MAGEC3: variants seen among roughly 807,000 people sequenced by gnomAD.
The protein encoded by MAGEC3 is MAGE family member C3.
MAGEC3 carries 34 observed loss-of-function variants against 35.3 expected under a neutral mutation model. That is an observed-to-expected ratio of 0.96 (90% CI 0.73 to 1.28). MAGEC3 has a LOEUF of 1.28. MAGEC3 is among the 50% of genes most tolerant of loss of function. MAGEC3 has a pLI of 0.00. For missense variants in MAGEC3, 561 were observed against 483.6 expected (o/e 1.16, Z -1.50); for synonymous variants, 202 against 185.6 (o/e 1.09, Z -0.72).
chrX:141,857,021 C>G (rs2017785075), intron 1 of MAGEC3, among the ~76,000 whole-genome samples: 1 of 111,496 alleles, frequency 9.0e-6, no homozygotes, highest in African/African-American at 3.3e-5. Context: ...GAGCCATGGA[C>G]TCACTTGCCA....
chrX:141,880,999 C>T, intron 3 of MAGEC3: 1 of 503,368 alleles, frequency 2.0e-6, no homozygotes. Flanking sequence ...TTGAAATGTT[C>T]CTAGCGGCAA....
chrX:141,877,877 A>G (rs988196828), intron 2 of MAGEC3, among the ~76,000 whole-genome samples: 9 of 112,272 alleles, frequency 8.0e-5, no homozygotes, highest in Non-Finnish European at 1.7e-4. Context: ...TCCTGTTATT[A>G]ACACCTTACC....
chrX:141,892,133 C>T (rs931062395), intron 4 of MAGEC3, among the ~76,000 whole-genome samples: 4 of 111,140 alleles, frequency 3.6e-5, no homozygotes, highest in African/African-American at 1.3e-4. Context: ...CTACCAGACT[C>T]CAAAACTGTG....
chrX:141,873,980 G>A (rs957588006), intron 2 of MAGEC3, among the ~76,000 whole-genome samples: 7 of 112,006 alleles, frequency 6.2e-5, no homozygotes, highest in East Asian at 2.8e-4. Flanking sequence ...ATAAAGTTAC[G>A]ATAATTAAGA....
In MAGEC3 at chrX:141,879,317, A is replaced by G. The variant is rs763105817; in HGVS notation, c.401A>G (p.Lys134Arg). 7 of 1,206,012 alleles carry G rather than the reference A, an allele frequency of 5.8e-6. No individual in the cohort carries two copies. The highest frequency in any genetic ancestry group is 7.8e-6 in the Non-Finnish European group (7 of 892,509). Reference protein sequence around the residue: ...EEPQDWPLNEKRTLWKDSDLP... With the variant: ...EEPQDWPLNERRTLWKDSDLP... ...CCCCAGGACTGGCCACTCAACGAGAAGAGAACTCTGTGGAAGGACAGTGAC... is the reference window on the plus strand; with the variant it reads ...CCCCAGGACTGGCCACTCAACGAGAGGAGAACTCTGTGGAAGGACAGTGAC... The change falls in exon 3 of 8, where the codon AAG (lysine) becomes AGG (arginine). Residue 134 changes from lysine (K) to arginine (R), a missense_variant. Physicochemically the swap from Lys to Arg is conservative, Grantham distance 26. Transcript: ENST00000298296.
chrX:141,860,704 C>A (rs575501929), intron 1 of MAGEC3, among the ~76,000 whole-genome samples: 6 of 112,176 alleles, frequency 5.3e-5, no homozygotes, highest in African/African-American at 1.9e-4. Context: ...CATAAAAGGA[C>A]AAATACTTTA....
intron 4 of MAGEC3, among the ~76,000 whole-genome samples, chrX:141,886,827 G>T (rs1047499687): frequency 1.8e-5 from 2 of 111,724 alleles, no homozygotes; most frequent in Non-Finnish European, 3.8e-5. Context: ...CCAAGTGGAA[G>T]ATATTAGAGC....
chrX:141,846,420 C>T (rs181713725), intron 1 of MAGEC3, among the ~76,000 whole-genome samples: 1 of 109,966 alleles, frequency 9.1e-6, no homozygotes, highest in East Asian at 2.9e-4. Flanking sequence ...TGGCAGTTTA[C>T]TGTGAGTACT....
At position 141,877,851 on chromosome X, in the gene MAGEC3, T is replaced by C. The variant is rs753814026; in HGVS notation, c.259-1324T>C. Among the ~76,000 whole-genome samples, 4 of 112,443 alleles carry C rather than the reference T, an allele frequency of 3.6e-5. No homozygotes were observed. In the South Asian group the frequency reaches 1.5e-3, roughly 42 times the overall value. On this transcript the variant is annotated intron_variant, in intron 2 of 7. Transcript: ENST00000298296. ...ACAATAGTAAGAAAGTTCTCATATG[T>C]TCCACACTCAATGCCTCCTGTTATT...
intron 3 of MAGEC3, chrX:141,880,501 C>T: frequency 5.3e-6 from 1 of 187,273 alleles, no homozygotes; most frequent in East Asian, 1.7e-4. Context: ...CCCTCACTTC[C>T]TCTTGCAGGT....
chrX:141,852,630 T>G (rs2017758192), intron 1 of MAGEC3, among the ~76,000 whole-genome samples: 2 of 110,858 alleles, frequency 1.8e-5, no homozygotes, highest in African/African-American at 6.5e-5. Flanking sequence ...TGTTGAGTTG[T>G]TTTCTTTTTT....
At chrX:141,867,343 T>C (rs1371326812) in intron 2 of MAGEC3, among the ~76,000 whole-genome samples, 4 of 111,382 alleles carry the variant, frequency 3.6e-5, no homozygotes, top group African/African-American at 1.3e-4. Flanking sequence ...TCCCTTCAGG[T>C]GCACTAAGAG....
intron 2 of MAGEC3, among the ~76,000 whole-genome samples, chrX:141,872,620 G>A (rs1437325055): frequency 1.8e-5 from 2 of 111,161 alleles, no homozygotes; most frequent in Non-Finnish European, 1.9e-5. Flanking sequence ...ATTAGTGTCC[G>A]ATGTTGGATG....
chrX:141,843,855 A>T (rs1452273984), intron 1 of MAGEC3, among the ~76,000 whole-genome samples: 1 of 110,809 alleles, frequency 9.0e-6, no homozygotes, highest in Non-Finnish European at 1.9e-5. Context: ...CACCTTCAGA[A>T]GTCTTAAGAA....
intron 3 of MAGEC3, 110 bp downstream of exon 3, chrX:141,879,541 G>C (rs2017946185): frequency 5.3e-6 from 5 of 952,228 alleles, no homozygotes; most frequent in Non-Finnish European, 7.0e-6. Context: ...GGCAGGAAGG[G>C]GTGGAGGGGG....
chrX:141,850,130 CTAAA>C (rs754954097), intron 1 of MAGEC3, among the ~76,000 whole-genome samples: 1 of 111,140 alleles, frequency 9.0e-6, no homozygotes, highest in East Asian at 2.9e-4. Flanking sequence ...AAACATAAAA[CTAAA>C]TACCACATGT....
At chrX:141,868,359 T>C (rs773010876) in intron 2 of MAGEC3, among the ~76,000 whole-genome samples, 9 of 111,784 alleles carry the variant, frequency 8.1e-5, no homozygotes, top group Non-Finnish European at 1.7e-4. Flanking sequence ...GTAACAGATA[T>C]AGTTTAAACT....
At chrX:141,842,959 G>A (rs1409707898) in intron 1 of MAGEC3, among the ~76,000 whole-genome samples, 1 of 111,872 alleles carries the variant, frequency 8.9e-6, no homozygotes, top group African/African-American at 3.2e-5. Flanking sequence ...ATAAGAGCCA[G>A]GTTTGTTTGA....
chrX:141,838,671 T>C (rs1484407059), intron 1 of MAGEC3: 1 of 751,691 alleles, frequency 1.3e-6, no homozygotes, highest in Non-Finnish European at 1.6e-6. Context: ...AGTTTGCACC[T>C]AGGCCTCAAT....
Sources: allele counts gnomAD v4.1 joint callset (sites outside exome capture counted in the v4.1 genomes callset), GRCh38; gene constraint gnomAD v4.1.1; transcripts MANE v1.5; gene names NCBI Gene and HGNC (gene_info 2026-07-23, HGNC 2026-07-21).